Variants in ITGA8 observed in about 807,000 individuals in gnomAD.
ITGA8 encodes the protein integrin subunit alpha 8, also known as integrin alpha-8.
Under a neutral mutation model 142.3 loss-of-function variants are expected in ITGA8, and 91 were observed. The observed-to-expected ratio is 0.64, with a 90% CI of 0.54 to 0.76. The LOEUF (loss-of-function observed/expected upper bound fraction) is 0.76, where lower values mean the gene tolerates loss of function less well. Ranked by LOEUF, ITGA8 falls within the 30% of genes least tolerant of loss-of-function variation. The pLI, the probability that ITGA8 is intolerant of heterozygous loss-of-function variation, is 0.00. For synonymous variants in ITGA8, 505 were observed against 485.2 expected (o/e 1.04, Z -0.54); for missense variants, 1,406 against 1,327.7 (o/e 1.06, Z -0.92).
At chr10:15,535,257 A>G (rs1833403399) in intron 27 of ITGA8, among the ~76,000 whole-genome samples, 1 of 151,942 alleles carries the variant, frequency 6.6e-6, no homozygotes, top group Non-Finnish European at 1.5e-5. Context: ...AGCCTCCCTG[A>G]CGCGCACCGC....
chr10:15,627,986 C>T (rs1833615570), intron 13 of ITGA8, among the ~76,000 whole-genome samples: 1 of 151,982 alleles, frequency 6.6e-6, no homozygotes, highest in Non-Finnish European at 1.5e-5. Context: ...GTCCTGCTCA[C>T]TGCTCATTAT....
chr10:15,570,382 C>T (rs113542428), intron 25 of ITGA8, among the ~76,000 whole-genome samples: 16,964 of 151,684 alleles, frequency 0.11, 1,545 homozygotes, highest in East Asian at 0.28. Flanking sequence ...CCGAGGTGGG[C>T]GGATCACCTG....
intron 27 of ITGA8, among the ~76,000 whole-genome samples, chr10:15,534,440 A>G (rs1833377618): frequency 6.6e-6 from 1 of 152,200 alleles, no homozygotes; most frequent in Non-Finnish European, 1.5e-5. Context: ...TATATCTTCT[A>G]CAGAACCTAG....
chr10:15,697,732 T>G (rs1835083835), intron 2 of ITGA8, among the ~76,000 whole-genome samples: 1 of 152,208 alleles, frequency 6.6e-6, no homozygotes, highest in African/African-American at 2.4e-5. Flanking sequence ...TCATGAAATA[T>G]TATTCTTTAA....
intron 4 of ITGA8, among the ~76,000 whole-genome samples, chr10:15,683,300 T>TCCACCCACCCACCCAC (rs58724602): frequency 7.1e-6 from 1 of 140,632 alleles, no homozygotes; most frequent in African/African-American, 2.7e-5. Context: ...CATCCACCCA[T>TCCACCCACCCACCCAC]CCACCCACCC....
Position 15,653,543 on chromosome 10 carries a change from T to C in ITGA8, c.1001+1811A>G, listed in dbSNP as rs183585049. On this transcript the variant is annotated intron_variant, in intron 11 of 29. Coordinates refer to ENST00000378076, the MANE Select transcript of ITGA8 (RefSeq NM_003638.3). ...CCATGGTTTACATTGAATTCACACT[T>C]GGTATCAAACCTTCTATGGGTTTTA... 1.3e-4 allele frequency among the ~76,000 whole-genome samples: 20 copies of C among 152,314 alleles called. No individual in the cohort carries two copies. The East Asian group carries it at 3.9e-3, about 29-fold the overall frequency.
intron 21 of ITGA8, among the ~76,000 whole-genome samples, chr10:15,594,829 G>T (rs950514046): frequency 1.3e-5 from 2 of 152,122 alleles, no homozygotes; most frequent in African/African-American, 4.8e-5. Flanking sequence ...GTTTGTTCTT[G>T]TTTGCTTATT....
At chr10:15,535,778 G>C (rs959720358) in intron 27 of ITGA8, among the ~76,000 whole-genome samples, 1 of 152,114 alleles carries the variant, frequency 6.6e-6, no homozygotes, top group Non-Finnish European at 1.5e-5. Flanking sequence ...GACAGCAGTG[G>C]CAACCTGCTG....
At chr10:15,681,450 C>A (rs1348735016) in intron 4 of ITGA8, among the ~76,000 whole-genome samples, 3 of 152,202 alleles carry the variant, frequency 2.0e-5, no homozygotes, top group Non-Finnish European at 4.4e-5. Context: ...AACATGTGCT[C>A]CATTCTGTCT....
intron 2 of ITGA8, among the ~76,000 whole-genome samples, chr10:15,703,431 AAGT>A (rs1185436454): frequency 6.6e-6 from 1 of 152,196 alleles, no homozygotes; most frequent in Non-Finnish European, 1.5e-5. Flanking sequence ...TAAATTGACT[AAGT>A]AGTATGTATG....
intron 8 of ITGA8, among the ~76,000 whole-genome samples, chr10:15,663,340 AAC>A (rs993014490): frequency 2.0e-5 from 3 of 152,158 alleles, no homozygotes; most frequent in Admixed American, 2.0e-4. Flanking sequence ...ATATCCTCAA[AAC>A]ACTTTTTATT....
chr10:15,665,261 G>A (rs374887760), intron 8 of ITGA8, among the ~76,000 whole-genome samples: 11 of 152,144 alleles, frequency 7.2e-5, no homozygotes, highest in Non-Finnish European at 1.2e-4. Context: ...TTTCTCTGAT[G>A]GCCAGTGATG....
chr10:15,601,311 A>G (rs1833100694), intron 20 of ITGA8, among the ~76,000 whole-genome samples: 1 of 152,200 alleles, frequency 6.6e-6, no homozygotes, highest in Admixed American at 6.5e-5. Flanking sequence ...GGATACAGAC[A>G]TGCTGAAGGC....
intron 20 of ITGA8, among the ~76,000 whole-genome samples, chr10:15,598,309 C>T (rs533270450): frequency 6.6e-6 from 1 of 152,302 alleles, no homozygotes; most frequent in South Asian, 2.1e-4. Flanking sequence ...ATTTATCCAT[C>T]TGTCAGCTCT....
chr10:15,693,264 T>C (rs1834967829), intron 2 of ITGA8, among the ~76,000 whole-genome samples: 1 of 152,154 alleles, frequency 6.6e-6, no homozygotes, highest in Non-Finnish European at 1.5e-5. Context: ...TGCATTTTAT[T>C]TTTTCTTCCT....
chr10:15,612,224 G>A (rs1305871885), intron 15 of ITGA8, among the ~76,000 whole-genome samples: 1 of 152,126 alleles, frequency 6.6e-6, no homozygotes, highest in Non-Finnish European at 1.5e-5. Context: ...CCCAGCAATA[G>A]GATGTTTTTC....
intron 25 of ITGA8, among the ~76,000 whole-genome samples, chr10:15,569,273 C>T (rs924873603): frequency 6.6e-6 from 1 of 152,122 alleles, no homozygotes; most frequent in East Asian, 1.9e-4. Flanking sequence ...TCTTACAGGC[C>T]CACGGTGGCC....
chr10:15,676,715 C>T lies in ITGA8; in HGVS notation c.676+877G>A, dbSNP rs957772596. On this transcript the variant is annotated intron_variant, in intron 6 of 29. Transcript: ENST00000378076. Reference sequence around the variant, plus strand: ...CAAGAGTATTTTAAAATATTATTTACATTACAGAGTACAGGCTGGGCAGTG... The same window carrying T: ...CAAGAGTATTTTAAAATATTATTTATATTACAGAGTACAGGCTGGGCAGTG... Among the ~76,000 whole-genome samples, 6 of 152,074 alleles carry T rather than the reference C, an allele frequency of 3.9e-5. 1 individual carries two copies. The highest frequency in any genetic ancestry group is 2.0e-4 in the Admixed American group (3 of 15,252).
intron 22 of ITGA8, among the ~76,000 whole-genome samples, chr10:15,589,908 G>A (rs887139377): frequency 5.9e-5 from 9 of 151,828 alleles, no homozygotes; most frequent in East Asian, 3.9e-4. Context: ...GACTACAGGC[G>A]TGCACCACCA....
Sources: allele counts gnomAD v4.1 joint callset (sites outside exome capture counted in the v4.1 genomes callset), GRCh38; gene constraint gnomAD v4.1.1; transcripts MANE v1.5; gene names NCBI Gene and HGNC (gene_info 2026-07-23, HGNC 2026-07-21).